The following AHI1 variants were observed in gnomAD, a reference collection of about 807,000 sequenced individuals.
AHI1 encodes jouberin.
A neutral mutation model predicts 149.3 loss-of-function variants in AHI1; 123 were observed. The observed-to-expected ratio is 0.82, with a 90% CI of 0.71 to 0.96. AHI1 has a LOEUF of 0.96. AHI1 is among the 40% of genes least tolerant of loss of function. The pLI is 0.00. For missense variants in AHI1, 1,439 were observed against 1,422.7 expected, an observed-to-expected ratio of 1.01 and a Z score of -0.18; for synonymous variants, 475 against 459.8, an observed-to-expected ratio of 1.03 and a Z score of -0.42.
rs536880751 is a variant in AHI1, at chr6:135,466,199, G to A, written c.364C>T (p.Gln122Ter). 1 of 1,613,772 alleles carries A rather than the reference G, an allele frequency of 6.2e-7. No individual in the cohort carries two copies. The highest frequency in any genetic ancestry group is 1.7e-5 in the Admixed American group (1 of 59,988). The change falls in exon 7 of 29, where the codon CAA (glutamine) becomes TAA (stop). Residue 122 changes from glutamine to a stop codon, truncating the protein, a stop_gained. Coordinates refer to ENST00000265602, the MANE Select transcript of AHI1 (RefSeq NM_001134831.2). LOFTEE classifies it high-confidence loss of function. ...NGDASVEEDK[Q>*]GKPNKKVIKT... ...ATCACCTTTTTATTTGGCTTTCCTTGTTTGTCTTCCTCTACACTAGCATCA... is the reference window on the plus strand; with the variant it reads ...ATCACCTTTTTATTTGGCTTTCCTTATTTGTCTTCCTCTACACTAGCATCA...
At chr6:135,417,109 G>A (rs1782488609) in intron 20 of AHI1, among the ~76,000 whole-genome samples, 1 of 152,078 alleles carries the variant, frequency 6.6e-6, no homozygotes, top group Non-Finnish European at 1.5e-5. Flanking sequence ...TTTAACATTA[G>A]TAGGTGGGTT....
At chr6:135,487,841 C>T (rs1399494943) in intron 5 of AHI1, among the ~76,000 whole-genome samples, 2 of 152,062 alleles carry the variant, frequency 1.3e-5, no homozygotes, top group African/African-American at 4.8e-5. Context: ...ATGTTCTATT[C>T]TTAAATTCTT....
At chr6:135,327,900 C>T (rs549745682) in intron 24 of AHI1, among the ~76,000 whole-genome samples, 5 of 152,208 alleles carry the variant, frequency 3.3e-5, no homozygotes, top group Non-Finnish European at 5.9e-5. Flanking sequence ...TCATAGATCG[C>T]TCTACGTATC....
chr6:135,314,002 A>T (rs10214644), intron 26 of AHI1, among the ~76,000 whole-genome samples: 1 of 152,282 alleles, frequency 6.6e-6, no homozygotes, highest in South Asian at 2.1e-4. Flanking sequence ...GACTAAAAGT[A>T]TTGTTAGCTG....
chr6:135,416,427 T>C (rs945350626), intron 20 of AHI1, among the ~76,000 whole-genome samples: 2 of 151,904 alleles, frequency 1.3e-5, no homozygotes, highest in Non-Finnish European at 2.9e-5. Flanking sequence ...TCCTGAGGAA[T>C]GTAAGGGTAG....
Position 135,411,396 on chromosome 6 carries a change from A to G in AHI1, c.2913T>C (p.Ser971=). The part of the protein sequence containing the change: ...FQIDEFVHTE[S]SSTKMQLVKQ... ...TTACTAGCTGCATCTTCGTTGAAGA[A>G]CTTTCAGTGTGGACAAATTCATCAA... The change falls in exon 21 of 29, where the codon AGT becomes AGC. Residue 971 remains serine, a synonymous_variant. Coordinates refer to ENST00000265602, the MANE Select transcript of AHI1 (RefSeq NM_001134831.2). The G allele has an allele frequency of 6.2e-7, 1 of 1,613,880 alleles. No individual in the cohort carries two copies. Among genetic ancestry groups the G allele is most frequent in the Non-Finnish European group, 8.5e-7 (1 of 1,179,776 alleles).
rs1240129755 is a variant in AHI1, at chr6:135,284,231, C to T, written c.*1414G>A. 1 of 152,170 alleles carries T rather than the reference C, an allele frequency of 6.6e-6. No homozygotes were observed. Among genetic ancestry groups the T allele is most frequent in the Non-Finnish European group, 1.5e-5 (1 of 68,026 alleles). The allele number at this position is 152,170 out of a possible 1,614,324, so 9.4% of individuals were successfully genotyped here. A position where few individuals can be genotyped will look rare whatever the true frequency, so the allele number is the denominator to read the frequency against. ...AATGCCTTTTTTTTAAAGTTCTACACAGCGGGACATGTTTACCAATTTTTA... is the reference window on the plus strand; with the variant it reads ...AATGCCTTTTTTTTAAAGTTCTACATAGCGGGACATGTTTACCAATTTTTA... On this transcript the variant is annotated 3_prime_UTR_variant, in exon 29 of 29. Transcript: ENST00000265602.
chr6:135,388,721 C>G (rs142651559), intron 23 of AHI1, among the ~76,000 whole-genome samples: 1 of 152,190 alleles, frequency 6.6e-6, no homozygotes, highest in Non-Finnish European at 1.5e-5. Flanking sequence ...TGAAAAAATG[C>G]AGTTCTTCGA....
chr6:135,294,509 AAAAC>A (rs780767625), intron 27 of AHI1, among the ~76,000 whole-genome samples: 9 of 152,006 alleles, frequency 5.9e-5, no homozygotes, highest in East Asian at 1.9e-4. Context: ...ATTCTGCCTC[AAAAC>A]AAACAAACAA....
intron 23 of AHI1, among the ~76,000 whole-genome samples, chr6:135,361,992 G>C (rs985937084): frequency 2.6e-5 from 4 of 152,006 alleles, no homozygotes; most frequent in Non-Finnish European, 4.4e-5. Context: ...CCTCACCCCT[G>C]TCCCACCCTT....
At chr6:135,404,432 CT>C (rs1562684617) in intron 22 of AHI1, among the ~76,000 whole-genome samples, 1 of 152,176 alleles carries the variant, frequency 6.6e-6, no homozygotes. Context: ...CAGTCTCCTC[CT>C]TTCTAAAATT....
chr6:135,389,103 T>G lies in AHI1; in HGVS notation c.3109+5673A>C, dbSNP rs192401093. Among the ~76,000 whole-genome samples, 615 of 151,262 alleles carry G rather than the reference T, an allele frequency of 4.1e-3. 16 individuals are homozygous for G. The highest frequency in any genetic ancestry group is 0.038 in the Admixed American group (571 of 15,204). On this transcript the variant is annotated intron_variant, in intron 23 of 28. Coordinates refer to ENST00000265602, the MANE Select transcript of AHI1 (RefSeq NM_001134831.2). Reference sequence around the variant, plus strand: ...AGGTGGGCGGATCACGAGGTCAGGATATCGAGACCATCCTGGCTAACATGG... The same window carrying G: ...AGGTGGGCGGATCACGAGGTCAGGAGATCGAGACCATCCTGGCTAACATGG...
chr6:135,438,493 C>T lies in AHI1; in HGVS notation c.1918G>A (p.Glu640Lys). Residue 640 changes from glutamate to lysine, a missense_variant, in exon 15 of 29, where the codon GAA becomes AAA. Glu to Lys is a moderately conservative substitution (Grantham distance 56). Transcript: ENST00000265602. ...CTCATGAAACGTCCAGAAGGAATTT[C>T]ATATACTAATGAAAATATTTAGAAA... ...SRDGYPIILYEIPSGRFMREL... is the reference protein window; with the variant it reads ...SRDGYPIILYKIPSGRFMREL... 1 of 1,538,666 alleles carries T rather than the reference C, an allele frequency of 6.5e-7. No individual in the cohort carries two copies. The highest frequency in any genetic ancestry group is 8.8e-7 in the Non-Finnish European group (1 of 1,139,406).
Position 135,453,358 on chromosome 6 carries a change from C to T in AHI1, c.1423G>A (p.Ala475Thr), listed in dbSNP as rs1416049863. The T allele has an allele frequency of 1.3e-6, 2 of 1,560,960 alleles. No homozygotes were observed. The highest frequency in any genetic ancestry group is 1.7e-6 in the Non-Finnish European group (2 of 1,151,186). ...AAACATACCTTAAGAAATGCCCAGG[C>T]AATTTTCCGAAAGCCACATTCTTGG... ...QNQECGFRKIAWAFLKLLGAN... is the reference protein window; with the variant it reads ...QNQECGFRKITWAFLKLLGAN... Residue 475 changes from alanine to threonine, a missense_variant, in exon 11 of 29, where the codon GCC becomes ACC. Transcript: ENST00000265602.
At chr6:135,428,580 A>C (rs1450091522) in intron 19 of AHI1, 49 bp downstream of exon 19, 9 of 1,491,080 alleles carry the variant, frequency 6.0e-6, no homozygotes, top group Non-Finnish European at 8.1e-6. Flanking sequence ...ACACTTCTTC[A>C]AACCCCTGTA....
chr6:135,340,673 A>ATATGTATG (rs1790213957), intron 24 of AHI1, among the ~76,000 whole-genome samples: 1 of 131,710 alleles, frequency 7.6e-6, no homozygotes, highest in East Asian at 2.1e-4. Flanking sequence ...ATATATATAT[A>ATATGTATG]TATATATATA....
intron 11 of AHI1, 73 bp downstream of exon 11, chr6:135,453,268 C>T: frequency 1.7e-6 from 2 of 1,179,232 alleles, no homozygotes; most frequent in Non-Finnish European, 2.5e-6. Flanking sequence ...TGAGACCAAA[C>T]TGATTTGGGA....
At chr6:135,296,438 G>A (rs1336435975) in intron 27 of AHI1, among the ~76,000 whole-genome samples, 5 of 152,178 alleles carry the variant, frequency 3.3e-5, no homozygotes, top group African/African-American at 1.2e-4. Context: ...AAAGCCAGAA[G>A]TCTTATAATA....
In AHI1 at chr6:135,467,562, T is replaced by TA. The variant is rs1277395681; in HGVS notation, c.189+18dup. 5 of 1,589,316 alleles carry TA rather than the reference T, an allele frequency of 3.1e-6. No individual in the cohort carries two copies. In the African/African-American group the frequency reaches 6.7e-5, roughly 21 times the overall value. ...ACTCTCATGCTCTTCTTCAGGCTGT[T>TA]AGTGTTAGCAGTACTTACATCATCA... On this transcript the variant is annotated intron_variant, in intron 6 of 28. Transcript: ENST00000265602.
Sources: allele counts gnomAD v4.1 joint callset (sites outside exome capture counted in the v4.1 genomes callset), GRCh38; gene constraint gnomAD v4.1.1; transcripts MANE v1.5; gene names NCBI Gene and HGNC (gene_info 2026-07-23, HGNC 2026-07-21).